The following LRPPRC variants were observed in gnomAD, a reference collection of about 807,000 sequenced individuals.
The protein encoded by LRPPRC is leucine rich pentatricopeptide repeat containing.
LRPPRC carries 120 observed loss-of-function variants against 180.3 expected under a neutral mutation model. The ratio of observed to expected loss-of-function variants is 0.67; its 90% CI spans 0.57 to 0.77. The LOEUF is 0.77. Among genes scored for constraint, LRPPRC ranks in the 30% least tolerant of loss-of-function variants. The probability of loss-of-function intolerance (pLI) is 0.00; values close to 1 mark genes in which losing one functional copy is unlikely to be tolerated. For synonymous variants in LRPPRC, 723 were observed against 600.0 expected, an observed-to-expected ratio of 1.21 and a Z score of -3.00; for missense variants, 2,012 against 1,657.2, an observed-to-expected ratio of 1.21 and a Z score of -3.72.
At chr2:43,945,611 G>A (rs900270270) in intron 21 of LRPPRC, among the ~76,000 whole-genome samples, 194 bp from the exon 22 acceptor site, 6 of 152,082 alleles carry the variant, frequency 3.9e-5, no homozygotes, top group African/African-American at 1.4e-4. Flanking sequence ...GACTAGTGAA[G>A]TAAAAGCCCA....
chr2:43,943,178 C>T (rs1672548762), intron 23 of LRPPRC, among the ~76,000 whole-genome samples: 1 of 151,994 alleles, frequency 6.6e-6, no homozygotes, highest in Non-Finnish European at 1.5e-5. Flanking sequence ...CCAACAAGAG[C>T]ATTTCAAATG....
chr2:43,919,030 C>T (rs1170351557), intron 27 of LRPPRC, among the ~76,000 whole-genome samples: 1 of 152,052 alleles, frequency 6.6e-6, no homozygotes, highest in Non-Finnish European at 1.5e-5. Flanking sequence ...AGGAACCGGG[C>T]TGCACAGCAG....
At position 43,925,932 on chromosome 2, in the gene LRPPRC, C is replaced by T. The variant is rs545927119; in HGVS notation, c.2766G>A (p.Arg922=). ...CACATCTGTCACAAAACCACTGAAG[C>T]CTTGCAGATCGAGCTCTAATCCCTG... ...ETPGIRARSA[R]LQWFCDRCVA... is the part of the protein sequence containing the mutation. Residue 922 remains arginine, a synonymous_variant, in exon 26 of 38, where the codon AGG becomes AGA. Coordinates refer to ENST00000260665, the MANE Select transcript of LRPPRC (RefSeq NM_133259.4). The T allele has an allele frequency of 1.2e-6, 2 of 1,612,514 alleles. No individual in the cohort carries two copies. The highest frequency in any genetic ancestry group is 4.5e-5 in the East Asian group (2 of 44,862).
intron 1 of LRPPRC, among the ~76,000 whole-genome samples, chr2:43,990,212 C>T (rs1674713523): frequency 1.3e-5 from 2 of 151,966 alleles, no homozygotes; most frequent in South Asian, 4.2e-4. Context: ...GAGCGAGACT[C>T]CATCTCAAAA....
At chr2:43,909,638 A>C (rs1558919572) in intron 30 of LRPPRC, among the ~76,000 whole-genome samples, 3 of 141,822 alleles carry the variant, frequency 2.1e-5, no homozygotes, top group Admixed American at 1.4e-4. Flanking sequence ...AATAATAATA[A>C]TAATAATAAT....
intron 31 of LRPPRC, among the ~76,000 whole-genome samples, chr2:43,905,163 T>A (rs1210100524): frequency 6.6e-6 from 1 of 151,998 alleles, no homozygotes; most frequent in African/African-American, 2.4e-5. Flanking sequence ...GTTGGTATTA[T>A]GAACTATTAA....
intron 21 of LRPPRC, 94 bp downstream of exon 21, chr2:43,946,018 AT>A: frequency 1.6e-6 from 2 of 1,282,576 alleles, no homozygotes. Context: ...TAAAAATGAC[AT>A]TATATAAGAG....
intron 3 of LRPPRC, among the ~76,000 whole-genome samples, chr2:43,978,577 TAG>T (rs1260620388): frequency 3.3e-5 from 5 of 152,134 alleles, no homozygotes; most frequent in Admixed American, 6.5e-5. Context: ...TTCTAATTTT[TAG>T]AGATTCAATA....
intron 1 of LRPPRC, among the ~76,000 whole-genome samples, chr2:43,991,748 C>A (rs1489547222): frequency 6.6e-6 from 1 of 152,188 alleles, no homozygotes; most frequent in African/African-American, 2.4e-5. Flanking sequence ...AAAGGATATA[C>A]TTCTTGGTGC....
intron 15 of LRPPRC, 88 bp downstream of exon 15, chr2:43,950,485 G>A: frequency 3.3e-6 from 4 of 1,195,958 alleles, no homozygotes; most frequent in Middle Eastern, 1.9e-4. Flanking sequence ...CCAAATATAG[G>A]TTTCATGATA....
chr2:43,958,211 T>A (rs905130849), intron 13 of LRPPRC, among the ~76,000 whole-genome samples: 3 of 152,202 alleles, frequency 2.0e-5, no homozygotes, highest in Non-Finnish European at 4.4e-5. Context: ...AATTTGTTTT[T>A]CCCTGTAATT....
At chr2:43,932,811 A>G (rs1380202454) in intron 25 of LRPPRC, among the ~76,000 whole-genome samples, 3 of 152,212 alleles carry the variant, frequency 2.0e-5, no homozygotes, top group Non-Finnish European at 4.4e-5. Context: ...TAACTTGTCC[A>G]TTATCACATA....
At chr2:43,908,227 C>T (rs958774538) in intron 30 of LRPPRC, among the ~76,000 whole-genome samples, 3 of 152,110 alleles carry the variant, frequency 2.0e-5, no homozygotes, top group Non-Finnish European at 4.4e-5. Flanking sequence ...TTAATGTTAG[C>T]AGAGATTTAA....
intron 13 of LRPPRC, among the ~76,000 whole-genome samples, chr2:43,957,674 A>T (rs1367848851): frequency 6.6e-6 from 1 of 152,262 alleles, no homozygotes; most frequent in Non-Finnish European, 1.5e-5. Context: ...GAATATATAC[A>T]ACTAATTAAT....
At chr2:43,976,427 T>C (rs1179778070) in intron 5 of LRPPRC, among the ~76,000 whole-genome samples, 198 bp from the exon 6 acceptor site, 1 of 152,182 alleles carries the variant, frequency 6.6e-6, no homozygotes, top group African/African-American at 2.4e-5. Context: ...ATCAACAGTC[T>C]TGAAGTACTA....
At chr2:43,908,235 T>TA (rs1404436512) in intron 30 of LRPPRC, among the ~76,000 whole-genome samples, 1 of 152,106 alleles carries the variant, frequency 6.6e-6, no homozygotes, top group African/African-American at 2.4e-5. Flanking sequence ...AGCAGAGATT[T>TA]AAAAAAAGAG....
intron 36 of LRPPRC, among the ~76,000 whole-genome samples, 172 bp from the exon 37 acceptor site, chr2:43,890,048 A>T (rs921065103): frequency 1.3e-5 from 2 of 152,204 alleles, no homozygotes; most frequent in African/African-American, 4.8e-5. Flanking sequence ...TCACTTCTCT[A>T]CATCCCTCAT....
chr2:43,981,988 A>G (rs1674329283), intron 2 of LRPPRC, among the ~76,000 whole-genome samples: 1 of 150,418 alleles, frequency 6.6e-6, no homozygotes, highest in African/African-American at 2.4e-5. Flanking sequence ...GCTCACTACA[A>G]CCTCTGCCTC....
chr2:43,945,507 C>T (rs1391600548), intron 21 of LRPPRC, 90 bp from the exon 22 acceptor site: 2 of 789,544 alleles, frequency 2.5e-6, no homozygotes, highest in Non-Finnish European at 2.2e-6. Context: ...TTCAAAAGCT[C>T]ATCAGAAGAC....
Sources: allele counts gnomAD v4.1 joint callset (sites outside exome capture counted in the v4.1 genomes callset), GRCh38; gene constraint gnomAD v4.1.1; transcripts MANE v1.5; gene names NCBI Gene and HGNC (gene_info 2026-07-23, HGNC 2026-07-21).